Variants in SLC9C2 observed in about 807,000 individuals in gnomAD.
The protein encoded by SLC9C2 is solute carrier family 9 member C2 (putative), also known as sodium/hydrogen exchanger 11.
Under a neutral mutation model 140.2 loss-of-function variants are expected in SLC9C2, and 75 were observed. That is an observed-to-expected ratio of 0.53 (90% CI 0.44 to 0.65). The LOEUF is 0.65. SLC9C2 is among the 30% of genes least tolerant of loss of function. The pLI, the probability that SLC9C2 is intolerant of heterozygous loss-of-function variation, is 0.00. For synonymous variants in SLC9C2, 375 were observed against 420.9 expected, an observed-to-expected ratio of 0.89 and a Z score of 1.34; for missense variants, 1,074 against 1,331.8, an observed-to-expected ratio of 0.81 and a Z score of 3.01.
chr1:173,522,741 G>T (rs57355361), intron 21 of SLC9C2, among the ~76,000 whole-genome samples: 3,429 of 152,288 alleles, frequency 0.023, 142 homozygotes, highest in African/African-American at 0.078. Flanking sequence ...CTCTGCAACT[G>T]CCCTGACTTC....
In SLC9C2 at chr1:173,566,783, T is replaced by G. The variant is rs187224115; in HGVS notation, c.1046+6399A>C. On this transcript the variant is annotated intron_variant, in intron 9 of 27. Coordinates refer to ENST00000367714, the MANE Select transcript of SLC9C2 (RefSeq NM_178527.4). ...GTATCATTAGGCTATTTGCTTGGAG[T>G]TTTTTTTTTTTCTTTTTTGATGTAG... Among the ~76,000 whole-genome samples the G allele has an allele frequency of 7.2e-3, 607 of 84,174 alleles. 6 individuals are homozygous for G. Among genetic ancestry groups the G allele is most frequent in the African/African-American group, 0.019 (590 of 30,824 alleles). 55.2% of individuals were successfully genotyped at this position (84,174 alleles called of 152,430 possible).
intron 9 of SLC9C2, among the ~76,000 whole-genome samples, chr1:173,568,327 T>C (rs535568056): frequency 4.9e-4 from 74 of 152,128 alleles, no homozygotes; most frequent in Admixed American, 9.8e-4. Flanking sequence ...TTTCCTTCTT[T>C]GTATTCGTAA....
chr1:173,538,941 C>A (rs1200066826), intron 13 of SLC9C2, among the ~76,000 whole-genome samples: 1 of 151,936 alleles, frequency 6.6e-6, no homozygotes, highest in African/African-American at 2.4e-5. Flanking sequence ...CCTTCAACCC[C>A]AATCCCTGAA....
intron 9 of SLC9C2, among the ~76,000 whole-genome samples, chr1:173,563,085 G>A (rs941814945): frequency 5.3e-5 from 8 of 151,678 alleles, no homozygotes; most frequent in African/African-American, 1.9e-4. Flanking sequence ...CTGAAGCCAC[G>A]GGGGGCCAGG....
At chr1:173,553,039 G>A (rs1206414295) in intron 11 of SLC9C2, among the ~76,000 whole-genome samples, 7 of 152,146 alleles carry the variant, frequency 4.6e-5, no homozygotes, top group Admixed American at 4.6e-4. Flanking sequence ...GGAAGAAGTT[G>A]ATTTTAACCT....
At chr1:173,520,354 T>C (rs1205372820) in intron 22 of SLC9C2, among the ~76,000 whole-genome samples, 4 of 152,206 alleles carry the variant, frequency 2.6e-5, no homozygotes, top group African/African-American at 9.6e-5. Context: ...TGAGCCATCA[T>C]GCCCAGCTTA....
chr1:173,505,487 G>C (rs1659568791), intron 25 of SLC9C2, among the ~76,000 whole-genome samples, 156 bp from the exon 26 acceptor site: 2 of 152,202 alleles, frequency 1.3e-5, no homozygotes. Context: ...CCTCTTTGAT[G>C]TTGAGAAGTC....
chr1:173,595,122 C>T (rs2102265236), intron 4 of SLC9C2, among the ~76,000 whole-genome samples: 1 of 152,236 alleles, frequency 6.6e-6, no homozygotes, highest in African/African-American at 2.4e-5. Flanking sequence ...TCGTAATCTG[C>T]CTGCCTTGGC....
intron 9 of SLC9C2, among the ~76,000 whole-genome samples, chr1:173,571,290 TC>T (rs1664829320): frequency 1.3e-5 from 2 of 152,158 alleles, no homozygotes; most frequent in African/African-American, 2.4e-5. Context: ...GGGTTCTTTC[TC>T]TTACTTTTTT....
intron 24 of SLC9C2, among the ~76,000 whole-genome samples, chr1:173,508,990 G>C (rs546059676): frequency 1.6e-5 from 2 of 121,708 alleles, no homozygotes; most frequent in African/African-American, 7.5e-5. Context: ...CTTGGTTCAG[G>C]GGGGGATCTA....
intron 17 of SLC9C2, among the ~76,000 whole-genome samples, chr1:173,530,722 C>T (rs1372824331): frequency 6.6e-6 from 1 of 151,986 alleles, no homozygotes; most frequent in African/African-American, 2.4e-5. Flanking sequence ...ACCAGAATTC[C>T]AATAGAGGGG....
intron 3 of SLC9C2, among the ~76,000 whole-genome samples, chr1:173,598,631 T>C (rs181449282): frequency 1.3e-5 from 2 of 152,340 alleles, no homozygotes; most frequent in African/African-American, 2.4e-5. Context: ...CAATCAATAG[T>C]TTAACTTTCA....
rs932592107 is a variant in SLC9C2 at position 173,601,595 on chromosome 1, T to C, written c.127+55A>G. 1.8e-5 allele frequency: 29 copies of C among 1,581,502 alleles called. No homozygotes were observed. In the Admixed American group the frequency reaches 4.7e-4, roughly 26 times the overall value. On this transcript the variant is annotated intron_variant, in intron 2 of 27. Transcript: ENST00000367714. ...TATGTAGTTGTGATGGCTTTCTGCATTGACAAAAGGTTCACAGGGCAGAGG... is the reference window on the plus strand; with the variant it reads ...TATGTAGTTGTGATGGCTTTCTGCACTGACAAAAGGTTCACAGGGCAGAGG...
chr1:173,525,077 G>A lies in SLC9C2; in HGVS notation c.2366-150C>T, dbSNP rs574606689. On this transcript the variant is annotated intron_variant, in intron 19 of 27. Transcript: ENST00000367714. ...AACTCATGAGGTCAGCAGGCAAAGA[G>A]TTATTTTCAACTCTATTTTATGGAT... 8.0e-6 allele frequency: 7 copies of A among 869,644 alleles called. No individual in the cohort carries two copies. In the South Asian group the frequency reaches 1.0e-4, roughly 13 times the overall value. The allele number at this position is 869,644 out of a possible 1,614,324, so 53.9% of individuals were successfully genotyped here.
chr1:173,574,503 T>C (rs1209466991), intron 8 of SLC9C2, among the ~76,000 whole-genome samples: 2 of 135,384 alleles, frequency 1.5e-5, no homozygotes, highest in Non-Finnish European at 3.0e-5. Context: ...CTGAGTTAAG[T>C]ACTTTTTTTT....
chr1:173,601,234 G>T (rs545133619), intron 2 of SLC9C2, among the ~76,000 whole-genome samples: 1 of 152,082 alleles, frequency 6.6e-6, no homozygotes, highest in East Asian at 1.9e-4. Context: ...GTGTTTGCTC[G>T]CATTGTCCTC....
intron 18 of SLC9C2, among the ~76,000 whole-genome samples, chr1:173,527,338 T>G (rs1475671216): frequency 6.6e-6 from 1 of 152,136 alleles, no homozygotes; most frequent in Non-Finnish European, 1.5e-5. Context: ...TCAGAAAAGA[T>G]CAGTATGTAC....
chr1:173,576,549 T>G (rs1665190311), intron 8 of SLC9C2, 112 bp downstream of exon 8: 1 of 611,318 alleles, frequency 1.6e-6, no homozygotes, highest in African/African-American at 1.9e-5. Context: ...AATAAAATTT[T>G]CAAGATAAAG....
At chr1:173,536,099 C>T in intron 14 of SLC9C2, 150 bp from the exon 15 acceptor site, 1 of 606,930 alleles carries the variant, frequency 1.6e-6, no homozygotes, top group Non-Finnish European at 2.6e-6. Context: ...TCCACCTATC[C>T]ATCCATGGTC....
Sources: allele counts gnomAD v4.1 joint callset (sites outside exome capture counted in the v4.1 genomes callset), GRCh38; gene constraint gnomAD v4.1.1; transcripts MANE v1.5; gene names NCBI Gene and HGNC (gene_info 2026-07-23, HGNC 2026-07-21).